PXDN: variants seen among roughly 807,000 people sequenced by gnomAD.
PXDN encodes the protein peroxidasin homolog.
PXDN carries 77 observed loss-of-function variants against 140.3 expected under a neutral mutation model. The ratio of observed to expected loss-of-function variants is 0.55; its 90% CI spans 0.46 to 0.66. PXDN has a LOEUF of 0.66. PXDN is among the 30% of genes least tolerant of loss of function. The pLI, the probability that PXDN is intolerant of heterozygous loss-of-function variation, is 0.00. For missense variants in PXDN, 1,838 were observed against 2,039.5 expected, an observed-to-expected ratio of 0.90 and a Z score of 1.90; for synonymous variants, 911 against 857.4, an observed-to-expected ratio of 1.06 and a Z score of -1.09.
Position 1,680,381 on chromosome 2 carries a change from A to G in PXDN, c.561-19T>C, listed in dbSNP as rs762049775. The G allele has an allele frequency of 1.1e-5, 17 of 1,613,646 alleles. No homozygotes were observed. The highest frequency in any genetic ancestry group is 1.4e-5 in the Non-Finnish European group (17 of 1,179,636). On this transcript the variant is annotated intron_variant, in intron 6 of 22. Coordinates refer to ENST00000252804, the MANE Select transcript of PXDN (RefSeq NM_012293.3). ...CAGTCGCCTGTGGGAAGGAAGATGC[A>G]GCCGGTGAGACATGGGGTGGCTGGG...
rs188971798 is a variant in PXDN, at chr2:1,643,479, T to A, written c.3841A>T (p.Ile1281Phe). ...ARILCDNADN[I>F]TRVQSDVFRV... ...AACACGTCGCTCTGCACCCGGGTGA[T>A]GTTGTCCGCGTTGTCGCATAGGATC... The change falls in exon 19 of 23, where the codon ATC (isoleucine) becomes TTC (phenylalanine). Residue 1281 changes from isoleucine to phenylalanine, a missense_variant. Ile to Phe is a conservative substitution (Grantham distance 21). This residue lies in a region of PXDN where 850 missense variants were observed against 894.1 expected (regional missense o/e 0.95). Coordinates refer to ENST00000252804, the MANE Select transcript of PXDN (RefSeq NM_012293.3). 21 of 1,613,958 alleles carry A rather than the reference T, an allele frequency of 1.3e-5. No individual in the cohort carries two copies. In the African/African-American group the frequency reaches 1.7e-4, roughly 13 times the overall value.
At chr2:1,658,904 C>T (rs1016894973) in intron 14 of PXDN, among the ~76,000 whole-genome samples, 6 of 152,084 alleles carry the variant, frequency 3.9e-5, no homozygotes, top group Non-Finnish European at 7.3e-5. Context: ...CTTCCCCCTC[C>T]GGCCCATGCC....
At chr2:1,711,006 C>T (rs62649809) in intron 1 of PXDN, among the ~76,000 whole-genome samples, 5,867 of 21,630 alleles carry the variant, frequency 0.27, 1,188 homozygotes, top group Non-Finnish European at 0.35. Context: ...ACTCCACCAG[C>T]ACCCACTCTC....
chr2:1,683,591 G>T, intron 6 of PXDN, 65 bp downstream of exon 6: 1 of 939,814 alleles, frequency 1.1e-6, no homozygotes, highest in Non-Finnish European at 1.4e-6. Context: ...AAAGAACCAG[G>T]TGAATAGATA....
At position 1,721,200 on chromosome 2, in the gene PXDN, C is replaced by G. The variant is rs76843021; in HGVS notation, c.200+23056G>C. On this transcript the variant is annotated intron_variant, in intron 1 of 22. Coordinates refer to ENST00000252804, the MANE Select transcript of PXDN (RefSeq NM_012293.3). ...TCGACATAAAATTCAGCATCACAGGCAGGCAGGCAGCGTGGCTGAGGATGG... is the reference window on the plus strand; with the variant it reads ...TCGACATAAAATTCAGCATCACAGGGAGGCAGGCAGCGTGGCTGAGGATGG... 7.7e-3 allele frequency among the ~76,000 whole-genome samples: 1,174 copies of G among 152,316 alleles called. 7 individuals carry two copies. Among genetic ancestry groups the G allele is most frequent in the Middle Eastern group, 0.027 (8 of 294 alleles).
At position 1,687,682 on chromosome 2, in the gene PXDN, G is replaced by A. The variant is rs369934037; in HGVS notation, c.366C>T (p.Ile122=). The A allele has an allele frequency of 6.5e-7, 1 of 1,530,734 alleles. No homozygotes were observed. Among genetic ancestry groups the A allele is most frequent in the African/African-American group, 1.4e-5 (1 of 73,308 alleles). 94.8% of individuals were successfully genotyped at this position (1,530,734 alleles called of 1,614,324 possible). ...LKYLYLYKNE[I]QSIDRQAFKG... ...TAAATGCTTGCCTGTCAATTGACTG[G>A]ATCTCATTCTTGTACAGATAGCTGA... The change falls in exon 4 of 23, where the codon ATC becomes ATT. Residue 122 remains isoleucine (I), a synonymous_variant. Transcript: ENST00000252804. The surrounding 1 kb of genome is among the most constrained non-coding windows in gnomAD (Gnocchi z 4.0).
At chr2:1,710,716 ACTCCACCAGCACCCT>A (rs1558520671) in intron 1 of PXDN, among the ~76,000 whole-genome samples, 18 of 71,314 alleles carry the variant, frequency 2.5e-4, no homozygotes, top group African/African-American at 8.4e-4. Flanking sequence ...ACCAGCACCC[ACTCCACCAGCACCCT>A]CTCCACCAGC....
chr2:1,698,150 C>A (rs1363770122), intron 1 of PXDN, among the ~76,000 whole-genome samples: 2 of 152,190 alleles, frequency 1.3e-5, no homozygotes, highest in Non-Finnish European at 2.9e-5. Flanking sequence ...TGACAGTAAG[C>A]AGCGGTGAAC....
At chr2:1,654,792 G>A (rs1374016409) in intron 14 of PXDN, among the ~76,000 whole-genome samples, 1 of 152,178 alleles carries the variant, frequency 6.6e-6, no homozygotes, top group African/African-American at 2.4e-5. Flanking sequence ...ATATGCAACA[G>A]CATGTGGGAG....
Position 1,662,139 on chromosome 2 carries a change from A to G in PXDN, c.1613T>C (p.Val538Ala), listed in dbSNP as rs1683320010. 2 of 1,595,502 alleles carry G rather than the reference A, an allele frequency of 1.3e-6. No homozygotes were observed. The highest frequency in any genetic ancestry group is 1.7e-6 in the Non-Finnish European group (2 of 1,171,260). ...GCACGGGAGCTGCACATTGGCGCCCACCTCCACTGTTGTGTCGCTGGGAAT... is the reference window on the plus strand; with the variant it reads ...GCACGGGAGCTGCACATTGGCGCCCGCCTCCACTGTTGTGTCGCTGGGAAT... ...ASIPSDTTVE[V>A]GANVQLPCSS... is the part of the protein sequence containing the mutation. The change falls in exon 13 of 23, where the codon GTG becomes GCG. Residue 538 changes from valine to alanine, a missense_variant. Around this residue, in one of 5 missense-constraint regions of PXDN, gnomAD observed 537 missense variants for 583.9 expected, o/e 0.92. Coordinates refer to ENST00000252804, the MANE Select transcript of PXDN (RefSeq NM_012293.3).
chr2:1,636,650 C>T (rs1198978601), intron 21 of PXDN: 1 of 144,582 alleles, frequency 6.9e-6, no homozygotes, highest in East Asian at 2.1e-4. Context: ...GCAACTGGCA[C>T]TTAAGTTATC....
intron 4 of PXDN, among the ~76,000 whole-genome samples, chr2:1,686,186 C>T (rs891151916): frequency 3.3e-5 from 5 of 152,226 alleles, no homozygotes; most frequent in African/African-American, 4.8e-5. Flanking sequence ...CTGGTGGACT[C>T]GCTTATCCCC....
chr2:1,734,676 G>T (rs2125493280), intron 1 of PXDN, among the ~76,000 whole-genome samples: 1 of 152,242 alleles, frequency 6.6e-6, no homozygotes, highest in South Asian at 2.1e-4. Context: ...AGACTGTTCT[G>T]GCCAACATGG....
chr2:1,704,574 G>A (rs1684540917), intron 1 of PXDN, among the ~76,000 whole-genome samples: 2 of 100,244 alleles, frequency 2.0e-5, no homozygotes, highest in Non-Finnish European at 3.8e-5. Context: ...GGCAACTCCA[G>A]GTGAAGGGGG....
intron 1 of PXDN, among the ~76,000 whole-genome samples, chr2:1,741,230 G>A (rs1373970231): frequency 6.6e-6 from 1 of 151,972 alleles, no homozygotes; most frequent in African/African-American, 2.4e-5. Flanking sequence ...GAAAGGAAGG[G>A]GCGTACAACG....
chr2:1,658,035 T>TCG (rs1558494225), intron 14 of PXDN, among the ~76,000 whole-genome samples: 3 of 15,128 alleles, frequency 2.0e-4, no homozygotes, highest in African/African-American at 1.0e-3. Flanking sequence ...GGGCTCTCTC[T>TCG]CTCTCTCTCT....
rs1337758716 is a variant in PXDN at position 1,660,953 on chromosome 2, C to T, written c.1765G>A (p.Ala589Thr). The change falls in exon 14 of 23, where the codon GCA (alanine) becomes ACA (threonine). Residue 589 changes from alanine to threonine, a missense_variant. By Grantham distance (58) the Ala-to-Thr change is moderately conservative (BLOSUM62 0). Coordinates refer to ENST00000252804, the MANE Select transcript of PXDN (RefSeq NM_012293.3). The surrounding 1 kb of genome is among the most constrained non-coding windows in gnomAD (Gnocchi z 4.6). The part of the protein sequence containing the change: ...LTINDVGPAD[A>T]GRYECVARNT... ...CGGGCCACACACTCATAGCGACCTG[C>T]GTCTGCAGGGCCAACGTCATTGATG... 1.5e-5 allele frequency: 24 copies of T among 1,613,908 alleles called. No individual in the cohort carries two copies. Among genetic ancestry groups the T allele is most frequent in the Admixed American group, 1.7e-5 (1 of 60,010 alleles).
intron 3 of PXDN, among the ~76,000 whole-genome samples, chr2:1,690,486 A>C (rs1432161994): frequency 6.6e-6 from 1 of 152,136 alleles, no homozygotes; most frequent in Admixed American, 6.5e-5. Context: ...TGCTCTTAAT[A>C]ATTCAAAACC....
At chr2:1,673,843 T>C in intron 8 of PXDN, 31 bp from the exon 9 acceptor site, 2 of 1,611,558 alleles carry the variant, frequency 1.2e-6, no homozygotes, top group African/African-American at 1.3e-5. Context: ...TCTGGTCAAG[T>C]GTTGAAAGCA....
Sources: gnomAD v4.1 joint callset for allele counts (sites outside exome capture counted in the v4.1 genomes callset) on GRCh38, gnomAD v4.1.1 for gene constraint, gnomAD v4.1.1 regional missense constraint, Gnocchi (gnomAD v3.1) non-coding constraint, MANE v1.5 for transcripts, NCBI Gene and HGNC (gene_info 2026-07-23, HGNC 2026-07-21) for gene names.